Variants in SUMF1 observed in about 807,000 individuals in gnomAD.
SUMF1 encodes the protein formylglycine-generating enzyme.
Under a neutral mutation model 47.6 loss-of-function variants are expected in SUMF1, and 48 were observed. The observed-to-expected ratio is 1.01, with a 90% CI of 0.80 to 1.28. SUMF1 has a LOEUF of 1.28. SUMF1 is among the 50% of genes most tolerant of loss of function. The pLI is 0.00. For synonymous variants in SUMF1, 230 were observed against 192.1 expected (o/e 1.20, Z -1.63); for missense variants, 571 against 485.4 (o/e 1.18, Z -1.66).
At chr3:4,402,214 C>G (rs1701234713) in intron 7 of SUMF1, among the ~76,000 whole-genome samples, 1 of 152,152 alleles carries the variant, frequency 6.6e-6, no homozygotes, top group East Asian at 1.9e-4. Flanking sequence ...CCTTTCACCA[C>G]TTACCCTGAA....
intron 8 of SUMF1, among the ~76,000 whole-genome samples, chr3:4,252,105 C>A (rs1419333989): frequency 6.6e-6 from 1 of 152,126 alleles, no homozygotes; most frequent in Non-Finnish European, 1.5e-5. Flanking sequence ...GTCCTCACCC[C>A]ACTGACCTAA....
intron 8 of SUMF1, among the ~76,000 whole-genome samples, chr3:4,254,458 G>A (rs1422284297): frequency 2.0e-5 from 3 of 150,694 alleles, no homozygotes; most frequent in East Asian, 1.9e-4. Context: ...CGAGAACTAC[G>A]TGAAGAATGC....
intron 8 of SUMF1, among the ~76,000 whole-genome samples, chr3:4,234,086 AC>A (rs1696356550): frequency 6.6e-6 from 1 of 152,120 alleles, no homozygotes; most frequent in Non-Finnish European, 1.5e-5. Flanking sequence ...CAAAAGATGC[AC>A]AATGCTAACA....
intron 7 of SUMF1, among the ~76,000 whole-genome samples, chr3:4,394,103 T>C (rs1276582430): frequency 2.6e-5 from 4 of 152,116 alleles, no homozygotes; most frequent in Middle Eastern, 3.2e-3. Flanking sequence ...GATAATACCA[T>C]TATAGTTTTG....
intron 8 of SUMF1, among the ~76,000 whole-genome samples, chr3:4,127,041 G>A (rs1252033504): frequency 1.3e-5 from 2 of 152,278 alleles, no homozygotes; most frequent in East Asian, 3.9e-4. Flanking sequence ...AGAGGACAAA[G>A]GAGCCCATTT....
intron 8 of SUMF1, among the ~76,000 whole-genome samples, chr3:4,318,142 G>C (rs1018901021): frequency 2.0e-5 from 3 of 151,324 alleles, no homozygotes; most frequent in Non-Finnish European, 4.4e-5. Context: ...CATAACCAAA[G>C]ACATTACTAG....
intron 8 of SUMF1, among the ~76,000 whole-genome samples, chr3:4,269,531 A>G (rs1312019940): frequency 3.3e-5 from 5 of 152,240 alleles, no homozygotes; most frequent in Non-Finnish European, 7.3e-5. Context: ...AATCTTAACC[A>G]AAGTGCCATA....
intron 9 of SUMF1, among the ~76,000 whole-genome samples, chr3:4,058,381 G>A (rs749055958): frequency 3.9e-5 from 6 of 152,118 alleles, no homozygotes; most frequent in Non-Finnish European, 7.4e-5. Context: ...AATGGCCTTC[G>A]AATGCAGTAA....
At chr3:4,273,319 T>C (rs1255281150) in intron 8 of SUMF1, among the ~76,000 whole-genome samples, 1 of 152,092 alleles carries the variant, frequency 6.6e-6, no homozygotes, top group African/African-American at 2.4e-5. Flanking sequence ...GTTATGCCTA[T>C]AGAATGAAAT....
chr3:4,366,295 A>C (rs1301919218), intron 8 of SUMF1, among the ~76,000 whole-genome samples: 1 of 152,180 alleles, frequency 6.6e-6, no homozygotes, highest in African/African-American at 2.4e-5. Flanking sequence ...TCTCCTGGAT[A>C]ATAACCTGCA....
intron 8 of SUMF1, among the ~76,000 whole-genome samples, chr3:4,138,786 G>T (rs1011362063): frequency 6.6e-6 from 1 of 151,976 alleles, no homozygotes; most frequent in African/African-American, 2.4e-5. Flanking sequence ...TATGGTTATA[G>T]CGAGTATAGC....
In SUMF1 at chr3:4,106,119, T is replaced by A. The variant is rs190671115; in HGVS notation, c.1015-37374A>T. Among the ~76,000 whole-genome samples the A allele has an allele frequency of 1.3e-4, 20 of 152,112 alleles. No individual in the cohort carries two copies. The East Asian group carries it at 3.9e-3, about 29-fold the overall frequency. On this transcript the variant is annotated intron_variant and NMD_transcript_variant, in intron 8 of 12. Coordinates refer to the SUMF1 transcript ENST00000448413. The stretch of plus-strand genomic sequence containing the variant: ...TAAACAATACTTCAGTGAACCTCCT[T>A]CTCTAAGTCACCTTAGGAGAATTTC...
chr3:4,222,075 A>G (rs1380673426), intron 8 of SUMF1, among the ~76,000 whole-genome samples: 3 of 152,144 alleles, frequency 2.0e-5, no homozygotes, highest in African/African-American at 7.2e-5. Context: ...TCAAAACAAC[A>G]AATATATAAT....
chr3:4,064,311 T>A (rs890791124), intron 9 of SUMF1, among the ~76,000 whole-genome samples: 1 of 152,092 alleles, frequency 6.6e-6, no homozygotes, highest in African/African-American at 2.4e-5. Flanking sequence ...CTATAATGCG[T>A]TAGCATGCTA....
intron 8 of SUMF1, among the ~76,000 whole-genome samples, chr3:4,354,934 C>T (rs1699585393): frequency 6.6e-6 from 1 of 152,202 alleles, no homozygotes; most frequent in Non-Finnish European, 1.5e-5. Context: ...TTATTATTCC[C>T]ATTTTACCTT....
intron 8 of SUMF1, among the ~76,000 whole-genome samples, chr3:4,339,188 C>G (rs1403322564): frequency 6.6e-6 from 1 of 152,204 alleles, no homozygotes; most frequent in Non-Finnish European, 1.5e-5. Context: ...GCTTTCCTCT[C>G]TTGGGACACC....
chr3:4,284,910 T>G lies in SUMF1; in HGVS notation c.1014+91420A>C, dbSNP rs117775634. Reference sequence around the variant, plus strand: ...CAAATGTTACTTCCAATACAAAGATTTAGCTGTTAACTTTGATATGAACTT... The same window carrying G: ...CAAATGTTACTTCCAATACAAAGATGTAGCTGTTAACTTTGATATGAACTT... On this transcript the variant is annotated intron_variant and NMD_transcript_variant, in intron 8 of 12. Coordinates refer to the SUMF1 transcript ENST00000448413. Among the ~76,000 whole-genome samples, 52 of 152,286 alleles carry G rather than the reference T, an allele frequency of 3.4e-4. 2 individuals are homozygous for G. The East Asian group carries it at 8.7e-3, about 25-fold the overall frequency.
Position 4,209,370 on chromosome 3 carries a change from T to C in SUMF1, c.1015-140625A>G, listed in dbSNP as rs549673136. ...ACTGAAACTTTATTCAAATTCAGTT[T>C]CTGTCATTACCTGGTAGTTGAACCT... On this transcript the variant is annotated intron_variant and NMD_transcript_variant, in intron 8 of 12. Coordinates refer to the SUMF1 transcript ENST00000448413. Among the ~76,000 whole-genome samples, 103 of 152,300 alleles carry C rather than the reference T, an allele frequency of 6.8e-4. 1 individual carries two copies. The highest frequency in any genetic ancestry group is 2.3e-3 in the African/African-American group (96 of 41,564).
intron 1 of SUMF1, among the ~76,000 whole-genome samples, chr3:4,453,498 G>C (rs1703047794): frequency 6.6e-6 from 1 of 151,516 alleles, no homozygotes; most frequent in Non-Finnish European, 1.5e-5. Flanking sequence ...CTCTCAAACA[G>C]CTGGAGTACA....
Sources: gnomAD v4.1 joint callset for allele counts (sites outside exome capture counted in the v4.1 genomes callset) on GRCh38, gnomAD v4.1.1 for gene constraint, MANE v1.5 for transcripts, NCBI Gene and HGNC (gene_info 2026-07-23, HGNC 2026-07-21) for gene names.